SYCP2: variants seen among roughly 807,000 people sequenced by gnomAD.
The protein encoded by SYCP2 is synaptonemal complex protein 2.
A neutral mutation model predicts 211.3 loss-of-function variants in SYCP2; 55 were observed. That is an observed-to-expected ratio of 0.26 (90% CI 0.21 to 0.33). The LOEUF (loss-of-function observed/expected upper bound fraction) is 0.33. Ranked by LOEUF, SYCP2 falls within the 10% of genes least tolerant of loss-of-function variation. The pLI, the probability that SYCP2 is intolerant of heterozygous loss-of-function variation, is 1.00. For synonymous variants in SYCP2, 570 were observed against 555.2 expected (o/e 1.03, Z -0.37); for missense variants, 1,731 against 1,752.0 (o/e 0.99, Z 0.21).
chr20:59,900,392 T>C (rs2060093559), intron 17 of SYCP2, 108 bp from the exon 18 acceptor site: 3 of 996,220 alleles, frequency 3.0e-6, no homozygotes, highest in Non-Finnish European at 4.3e-6. Flanking sequence ...TTCAATTATT[T>C]CCCTTTTCTA....
chr20:59,877,393 G>T lies in SYCP2; in HGVS notation c.3142C>A (p.Pro1048Thr), dbSNP rs759507108. 1 of 1,577,754 alleles carries T rather than the reference G, an allele frequency of 6.3e-7. No homozygotes were observed. Among genetic ancestry groups the T allele is most frequent in the Admixed American group, 2.0e-5 (1 of 50,564 alleles). ...GAACTGTATCTATTTACCTTTACTG[G>T]TATGTTCTCTTTAAATGAATGTGAA... ...EFSHSFKENI[P>T]VKEENIHSRM... The change falls in exon 33 of 45, where the codon CCA becomes ACA. Residue 1048 changes from proline (P) to threonine (T), a missense_variant. Coordinates refer to ENST00000357552, the MANE Select transcript of SYCP2 (RefSeq NM_014258.4).
At chr20:59,877,316 T>A in intron 33 of SYCP2, 69 bp downstream of exon 33, 1 of 1,095,042 alleles carries the variant, frequency 9.1e-7, no homozygotes, top group Non-Finnish European at 1.2e-6. Flanking sequence ...AATTTGACAT[T>A]TTTTACAAAA....
At chr20:59,926,791 A>C (rs747887915) in intron 2 of SYCP2, among the ~76,000 whole-genome samples, 1 of 152,136 alleles carries the variant, frequency 6.6e-6, no homozygotes, top group Non-Finnish European at 1.5e-5. Context: ...AACATGTCAT[A>C]TAAGAGCTAG....
chr20:59,913,075 GT>G (rs1186396432), intron 12 of SYCP2, among the ~76,000 whole-genome samples: 1 of 152,188 alleles, frequency 6.6e-6, no homozygotes, highest in Non-Finnish European at 1.5e-5. Flanking sequence ...TATGAGCAGA[GT>G]TTCCTAACTT....
rs2059390598 is a variant in SYCP2 at position 59,868,414 on chromosome 20, T to C, written c.3987A>G (p.Lys1329=). ...GATACAGGCTACTGATCTACCTACTTTTGTGGATATGATGATCTGCATCTT... is the reference window on the plus strand; with the variant it reads ...GATACAGGCTACTGATCTACCTACTCTTGTGGATATGATGATCTGCATCTT... ...KIEDADHHIH[K]MSESVSSLST... The change falls in exon 38 of 45, where the codon AAA becomes AAG. Residue 1329 remains lysine (K), a splice_region_variant and synonymous_variant. Transcript: ENST00000357552. 4 of 1,609,124 alleles carry C rather than the reference T, an allele frequency of 2.5e-6. No individual in the cohort carries two copies. The highest frequency in any genetic ancestry group is 3.4e-6 in the Non-Finnish European group (4 of 1,177,770).
intron 38 of SYCP2, 42 bp from the exon 39 acceptor site, chr20:59,867,889 A>T: frequency 1.4e-6 from 2 of 1,481,034 alleles, no homozygotes; most frequent in East Asian, 4.6e-5. Context: ...AATATGCATT[A>T]CTCTAAATTT....
rs147825711 is a variant in SYCP2, at chr20:59,864,082, A to G, written c.*229T>C. ...AAAGTTTCTTAAAGCTTTTATCTCC[A>G]AAATTAAAAAAAAATATTGTATAGA... On this transcript the variant is annotated 3_prime_UTR_variant, in exon 45 of 45. Transcript: ENST00000357552. 256 of 306,662 alleles carry G rather than the reference A, an allele frequency of 8.3e-4. No homozygotes were observed. Among genetic ancestry groups the G allele is most frequent in the African/African-American group, 4.8e-3 (225 of 46,428 alleles). The allele number at this position is 306,662 out of a possible 1,614,324, so 19.0% of individuals were successfully genotyped here.
At chr20:59,914,410 CTCA>C (rs1397850943) in intron 10 of SYCP2, among the ~76,000 whole-genome samples, 159 bp from the exon 11 acceptor site, 2 of 151,824 alleles carry the variant, frequency 1.3e-5, no homozygotes, top group Non-Finnish European at 2.9e-5. Context: ...TTAGAAATAT[CTCA>C]TCATTTGAGG....
Position 59,895,508 on chromosome 20 carries a change from T to C in SYCP2, c.1594A>G (p.Arg532Gly). The C allele has an allele frequency of 1.2e-6, 2 of 1,613,378 alleles. No individual in the cohort carries two copies. Among genetic ancestry groups the C allele is most frequent in the Non-Finnish European group, 8.5e-7 (1 of 1,179,488 alleles). The stretch of plus-strand genomic sequence containing the variant: ...TTCAGTGATGCAGCATTATCCACTC[T>C]ATTTTCTGATGTTTGAGAAACACTA... The part of the protein sequence containing the change: ...KPSVSQTSEN[R>G]VDNAASLKSR... The change falls in exon 20 of 45, where the codon AGA (arginine) becomes GGA (glycine). Residue 532 changes from arginine to glycine, a missense_variant. This residue lies in a region of SYCP2 where 1,387 missense variants were observed against 1,351.3 expected (regional missense o/e 1.03). Transcript: ENST00000357552.
chr20:59,915,262 T>C, intron 9 of SYCP2, 63 bp from the exon 10 acceptor site: 2 of 1,284,610 alleles, frequency 1.6e-6, no homozygotes, highest in Non-Finnish European at 2.2e-6. Context: ...AGTCCACATG[T>C]TTAGGAGGAA....
chr20:59,864,457 GAAAA>G lies in SYCP2; in HGVS notation c.4516-73_4516-70del, dbSNP rs376056840. On this transcript the variant is annotated intron_variant, in intron 44 of 44. Transcript: ENST00000357552. Reference sequence around the variant, plus strand: ...CGCTGTAAAACCACCAAATAAAATAGAAAAAAAAAAATCAAGCTGTTATTAGTGA... The same window carrying G: ...CGCTGTAAAACCACCAAATAAAATAGAAAAAAATCAAGCTGTTATTAGTGA... The G allele has an allele frequency of 7.2e-6, 6 of 836,186 alleles. No individual in the cohort carries two copies. In the African/African-American group the frequency reaches 7.3e-5, roughly 10 times the overall value. The allele number at this position is 836,186 out of a possible 1,614,324, so 51.8% of individuals were successfully genotyped here. A position where few individuals can be genotyped will look rare whatever the true frequency, so the allele number is the denominator to read the frequency against.
intron 41 of SYCP2, 98 bp downstream of exon 41, chr20:59,866,195 A>C: frequency 1.6e-6 from 1 of 638,710 alleles, no homozygotes. Context: ...CTGAACAAAA[A>C]GCTTTAGGAT....
chr20:59,875,295 G>A lies in SYCP2; in HGVS notation c.3325C>T (p.Pro1109Ser). The A allele has an allele frequency of 6.2e-7, 1 of 1,608,390 alleles. No individual in the cohort carries two copies. The highest frequency in any genetic ancestry group is 8.5e-7 in the Non-Finnish European group (1 of 1,176,874). Residue 1109 changes from proline (P) to serine (S), a missense_variant, in exon 34 of 45, where the codon CCA becomes TCA. Pro to Ser is a moderately conservative substitution (Grantham distance 74, BLOSUM62 -1). Transcript: ENST00000357552. The stretch of plus-strand genomic sequence containing the variant: ...CATCTCGTTACTTCTATAGATGATG[G>A]ACTGCCAGATAAAGATCTGGGAGAT... ...DLSPRSLSGSPSSIEVTRCIE... is the reference protein window; with the variant it reads ...DLSPRSLSGSSSSIEVTRCIE...
intron 31 of SYCP2, among the ~76,000 whole-genome samples, chr20:59,879,852 TATATATATATAC>T (rs1295131627): frequency 2.8e-3 from 283 of 101,010 alleles, no homozygotes; most frequent in South Asian, 4.6e-3. Flanking sequence ...TATATATATA[TATATATATATAC>T]ACACACACAC....
chr20:59,929,835 A>C (rs2060701726), intron 2 of SYCP2, among the ~76,000 whole-genome samples: 1 of 151,896 alleles, frequency 6.6e-6, no homozygotes, highest in African/African-American at 2.4e-5. Flanking sequence ...ATGGACCAAA[A>C]GACAAAAAAA....
rs1010338606 is a variant in SYCP2 at position 59,929,166 on chromosome 20, C to T, written c.-47+2896G>A. On this transcript the variant is annotated intron_variant, in intron 2 of 44. Transcript: ENST00000357552. ...GCTAATAAAGAAATGAAAATGCTACCTCCATGGTAATCAGAATGCTAGTAA... is the reference window on the plus strand; with the variant it reads ...GCTAATAAAGAAATGAAAATGCTACTTCCATGGTAATCAGAATGCTAGTAA... Among the ~76,000 whole-genome samples the T allele has an allele frequency of 3.3e-5, 5 of 152,152 alleles. No homozygotes were observed. The East Asian group carries it at 7.7e-4, about 23-fold the overall frequency.
chr20:59,891,644 A>C (rs2059907866), intron 24 of SYCP2, among the ~76,000 whole-genome samples: 1 of 151,970 alleles, frequency 6.6e-6, no homozygotes. Flanking sequence ...CAAAGAGAGA[A>C]AAAAAAACCA....
chr20:59,881,814 T>C, intron 28 of SYCP2, 131 bp downstream of exon 28: 1 of 602,480 alleles, frequency 1.7e-6, no homozygotes, highest in Non-Finnish European at 2.6e-6. Flanking sequence ...TTATCCAAAA[T>C]ATTATTATAT....
chr20:59,890,499 T>C (rs184168718), intron 24 of SYCP2, among the ~76,000 whole-genome samples: 66 of 152,224 alleles, frequency 4.3e-4, no homozygotes, highest in African/African-American at 1.5e-3. Flanking sequence ...TATACCTATG[T>C]AACAAAACTG....
Sources: allele counts gnomAD v4.1 joint callset (sites outside exome capture counted in the v4.1 genomes callset), GRCh38; gene constraint gnomAD v4.1.1; regional missense constraint gnomAD v4.1.1; transcripts MANE v1.5; gene names NCBI Gene and HGNC (gene_info 2026-07-23, HGNC 2026-07-21).